Variants in HERC3 observed in about 807,000 individuals in gnomAD.
HERC3 encodes probable E3 ubiquitin-protein ligase HERC3.
HERC3 carries 58 observed loss-of-function variants against 129.9 expected under a neutral mutation model. That is an observed-to-expected ratio of 0.45 (90% confidence interval 0.36 to 0.56). The LOEUF (loss-of-function observed/expected upper bound fraction) is 0.56. HERC3 is among the 20% of genes least tolerant of loss of function. HERC3 has a pLI of 0.00. For missense variants in HERC3, 835 were observed against 1,244.2 expected (o/e 0.67, Z 4.95); for synonymous variants, 430 against 451.0 (o/e 0.95, Z 0.59).
intron 3 of HERC3, among the ~76,000 whole-genome samples, chr4:88,625,979 A>G (rs1280788385): frequency 6.6e-6 from 1 of 152,092 alleles, no homozygotes; most frequent in Non-Finnish European, 1.5e-5. Flanking sequence ...CCAACCTCTC[A>G]TTCCTGGAAT....
rs1729840996 is a variant in HERC3 at position 88,655,878 on chromosome 4, A to G, written c.912A>G (p.Gln304=). ...GAGTTAAATTATTTTTTCACAGACA[A>G]CATACCCTAGCCTTCGTGCCTTCTT... ...SEVTQIACGR[Q]HTLAFVPSSG... Residue 304 remains glutamine (Q), a synonymous_variant, in exon 9 of 26, where the codon CAA becomes CAG. Transcript: ENST00000402738. The G allele has an allele frequency of 6.2e-7, 1 of 1,611,036 alleles. No homozygotes were observed. Among genetic ancestry groups the G allele is most frequent in the South Asian group, 1.1e-5 (1 of 90,868 alleles).
chr4:88,610,817 G>A (rs987837783), intron 3 of HERC3, among the ~76,000 whole-genome samples: 14 of 152,198 alleles, frequency 9.2e-5, no homozygotes, highest in African/African-American at 3.4e-4. Context: ...TGAGTGCAAC[G>A]AGACATTTCT....
rs758156096 is a variant in HERC3 at position 88,655,316 on chromosome 4, T to C, written c.908+12T>C. The stretch of plus-strand genomic sequence containing the variant: ...ATTGCTTGTGGCAGGTGAGTGTTCC[T>C]CAAAGCTTGCTTGTATTCACTAGGA... On this transcript the variant is annotated intron_variant, in intron 8 of 25. Transcript: ENST00000402738. 6.2e-7 allele frequency: 1 copy of C among 1,612,806 alleles called. No homozygotes were observed. The highest frequency in any genetic ancestry group is 1.7e-5 in the Admixed American group (1 of 59,980).
At chr4:88,526,849 A>G in the HERC3 span, among the ~76,000 whole-genome samples, 6 of 152,224 alleles carry the variant, frequency 3.9e-5, no homozygotes, top group African/African-American at 1.4e-4. Flanking sequence ...TTATTTTAAA[A>G]ACAAAAATCA....
chr4:88,544,559 C>A, the HERC3 span, among the ~76,000 whole-genome samples: 1 of 152,172 alleles, frequency 6.6e-6, no homozygotes, highest in Admixed American at 6.5e-5. Flanking sequence ...CCCAGCGATC[C>A]CATTACTGGG....
At chr4:88,665,192 G>GAT (rs956075141) in intron 12 of HERC3, among the ~76,000 whole-genome samples, 9 of 152,166 alleles carry the variant, frequency 5.9e-5, no homozygotes, top group African/African-American at 2.2e-4. Context: ...GAAGAGAGGG[G>GAT]ATTTACTACG....
At chr4:88,634,530 T>C (rs1426029482) in intron 3 of HERC3, among the ~76,000 whole-genome samples, 4 of 152,174 alleles carry the variant, frequency 2.6e-5, no homozygotes, top group Admixed American at 2.6e-4. Flanking sequence ...CCGTAGTCTC[T>C]GTGGACCAGC....
At chr4:88,545,430 C>CTTT in the HERC3 span, among the ~76,000 whole-genome samples, 6,112 of 110,310 alleles carry the variant, frequency 0.055, 330 homozygotes, top group South Asian at 0.19. Flanking sequence ...TTTGAGAATT[C>CTTT]TTTTTTTTTT....
chr4:88,591,978 AG>A (rs1380817154), upstream of HERC3, among the ~76,000 whole-genome samples: 5 of 151,828 alleles, frequency 3.3e-5, no homozygotes, highest in Admixed American at 3.3e-4. Context: ...CCCACCGCGC[AG>A]CGCCGCGGGC....
intron 23 of HERC3, among the ~76,000 whole-genome samples, chr4:88,691,540 T>C (rs750222284): frequency 1.3e-5 from 2 of 152,226 alleles, no homozygotes; most frequent in Non-Finnish European, 2.9e-5. Flanking sequence ...GAGAGCAGCG[T>C]TGGGAAGCAA....
chr4:88,671,778 C>G (rs1327575498), intron 16 of HERC3, among the ~76,000 whole-genome samples: 1 of 152,150 alleles, frequency 6.6e-6, no homozygotes, highest in Non-Finnish European at 1.5e-5. Context: ...CCAGCCTCGG[C>G]CTCCCAAAGT....
chr4:88,624,482 C>A (rs915457465), intron 3 of HERC3, among the ~76,000 whole-genome samples: 3 of 152,190 alleles, frequency 2.0e-5, no homozygotes, highest in African/African-American at 7.2e-5. Flanking sequence ...TGAACTTGAA[C>A]AGCTTTTCTT....
chr4:88,557,381 A>G, the HERC3 span, among the ~76,000 whole-genome samples: 2 of 152,214 alleles, frequency 1.3e-5, no homozygotes, highest in South Asian at 2.1e-4. Flanking sequence ...AATTTCACTT[A>G]CATGGGTCTC....
chr4:88,553,584 G>C, the HERC3 span, among the ~76,000 whole-genome samples: 1 of 152,138 alleles, frequency 6.6e-6, no homozygotes. Flanking sequence ...AGGAAAATAG[G>C]AGAACCTTAG....
chr4:88,634,702 G>A (rs1465332426), intron 3 of HERC3, among the ~76,000 whole-genome samples: 11 of 65,816 alleles, frequency 1.7e-4, no homozygotes, highest in African/African-American at 4.7e-4. Flanking sequence ...CCCCACCCCC[G>A]CCCCCGCCAA....
intron 3 of HERC3, among the ~76,000 whole-genome samples, chr4:88,635,572 A>G (rs1304898641): frequency 6.6e-6 from 1 of 152,164 alleles, no homozygotes; most frequent in Non-Finnish European, 1.5e-5. Flanking sequence ...AAGTTGGAAA[A>G]CACACTTCAG....
intron 18 of HERC3, among the ~76,000 whole-genome samples, chr4:88,677,489 G>T (rs984044821): frequency 1.3e-5 from 2 of 151,924 alleles, no homozygotes; most frequent in Middle Eastern, 3.4e-3. Flanking sequence ...TTTCCAGCTC[G>T]ACTGCATCTA....
chr4:88,531,708 A>G, the HERC3 span, among the ~76,000 whole-genome samples: 2 of 152,230 alleles, frequency 1.3e-5, no homozygotes, highest in Non-Finnish European at 2.9e-5. Flanking sequence ...AGACTCTGCC[A>G]GCTAGATACA....
chr4:88,692,893 C>T lies in HERC3; in HGVS notation c.2657+5594C>T, dbSNP rs961475902. On this transcript the variant is annotated intron_variant, in intron 23 of 25. Coordinates refer to ENST00000402738, the MANE Select transcript of HERC3 (RefSeq NM_014606.3). ...GGCTCAAGAGTTCCCATCCTCCTTT[C>T]GCCCTAGGAAGAAAAATGACTTTGA... The T allele has an allele frequency of 1.0e-4, 100 of 985,384 alleles. No homozygotes were observed. The Middle Eastern group carries it at 2.1e-3, about 21-fold the overall frequency. The allele number at this position is 985,384 out of a possible 1,614,324, so 61.0% of individuals were successfully genotyped here.
Sources: allele counts gnomAD v4.1 joint callset (sites outside exome capture counted in the v4.1 genomes callset), GRCh38; gene constraint gnomAD v4.1.1; transcripts MANE v1.5; gene names NCBI Gene and HGNC (gene_info 2026-07-23, HGNC 2026-07-21).